YAE1: variants seen among roughly 807,000 people sequenced by gnomAD.
YAE1 encodes the protein YAE1 maturation factor of ABCE1, also known as protein YAE1 homolog.
In YAE1, 22 loss-of-function variants were observed where a neutral mutation model predicts 23.0. The ratio of observed to expected loss-of-function variants is 0.96; its 90% confidence interval spans 0.68 to 1.37. YAE1 has a LOEUF of 1.37. Among genes scored for constraint, YAE1 ranks in the 40% most tolerant of loss-of-function variants. The pLI is 0.00. For synonymous variants in YAE1, 101 were observed against 97.0 expected (o/e 1.04, Z -0.24); for missense variants, 260 against 262.1 (o/e 0.99, Z 0.06).
At chr7:39,608,905 G>C (rs1480429146) in intron 2 of YAE1, among the ~76,000 whole-genome samples, 1 of 152,126 alleles carries the variant, frequency 6.6e-6, no homozygotes, top group Non-Finnish European at 1.5e-5. Context: ...TACTCATTCT[G>C]AGTATTACTT....
intron 1 of YAE1, chr7:39,570,147 G>A: frequency 1.3e-6 from 1 of 788,970 alleles, no homozygotes; most frequent in Non-Finnish European, 2.1e-6. Context: ...GCACCCCCAA[G>A]CAACAGTACC....
At chr7:39,596,655 C>A (rs1790978997) in intron 2 of YAE1, among the ~76,000 whole-genome samples, 1 of 152,186 alleles carries the variant, frequency 6.6e-6, no homozygotes, top group African/African-American at 2.4e-5. Context: ...TTTCTGTGCT[C>A]CCTGTGCATA....
chr7:39,593,967 A>G (rs1353667015), intron 2 of YAE1, among the ~76,000 whole-genome samples: 2 of 152,090 alleles, frequency 1.3e-5, no homozygotes, highest in East Asian at 3.9e-4. Flanking sequence ...GTTTCTTCTT[A>G]TGTCTAGTAA....
In YAE1 at chr7:39,566,487, A is replaced by G; in HGVS notation, c.69A>G (p.Glu23=). The G allele has an allele frequency of 6.2e-7, 1 of 1,614,222 alleles. No individual in the cohort carries two copies. The highest frequency in any genetic ancestry group is 1.7e-5 in the Admixed American group (1 of 60,028). Residue 23 remains glutamate (E), a synonymous_variant, in exon 1 of 3, where the codon GAA becomes GAG. Coordinates refer to ENST00000223273, the MANE Select transcript of YAE1 (RefSeq NM_020192.5). The part of the protein sequence containing the change: ...PGDKGDVFDE[E]ADESLLAQRE... ...ACAAAGGGGACGTGTTTGACGAAGA[A>G]GCAGACGAGTCGCTCCTGGCGCAGC...
chr7:39,598,722 A>C (rs894163272), intron 2 of YAE1, among the ~76,000 whole-genome samples: 3 of 150,602 alleles, frequency 2.0e-5, no homozygotes, highest in Non-Finnish European at 4.4e-5. Flanking sequence ...GGCTGCAGTG[A>C]GCTATGACCA....
intron 2 of YAE1, among the ~76,000 whole-genome samples, chr7:39,578,670 A>G (rs1790695149): frequency 6.6e-6 from 1 of 152,164 alleles, no homozygotes; most frequent in Non-Finnish European, 1.5e-5. Flanking sequence ...ACCCGCCAGA[A>G]GAAAGAAACT....
At chr7:39,605,879 G>A (rs1283488424) in intron 2 of YAE1, among the ~76,000 whole-genome samples, 3 of 152,066 alleles carry the variant, frequency 2.0e-5, no homozygotes, top group Non-Finnish European at 4.4e-5. Context: ...CTTTGAGAAT[G>A]ACTAGAATTA....
intron 1 of YAE1, chr7:39,569,699 G>A (rs188704850): frequency 3.9e-5 from 28 of 709,288 alleles, no homozygotes; most frequent in Admixed American, 3.9e-4. Flanking sequence ...CAATAAAGTA[G>A]TTATGGCAAG....
At chr7:39,575,569 AGAGAGAGAGT>A (rs1170179054), downstream of YAE1, among the ~76,000 whole-genome samples, 58 of 95,094 alleles carry the variant, frequency 6.1e-4, no homozygotes, top group African/African-American at 3.7e-3. Context: ...AGAGAGAGAG[AGAGAGAGAGT>A]GAGTGTGTGT....
intron 2 of YAE1, among the ~76,000 whole-genome samples, chr7:39,599,728 G>T (rs759444271): frequency 6.6e-6 from 1 of 151,074 alleles, no homozygotes; most frequent in African/African-American, 2.4e-5. Flanking sequence ...TATTTATTTT[G>T]TATTTATTTA....
intron 1 of YAE1, among the ~76,000 whole-genome samples, chr7:39,568,943 CAG>C (rs1275240600): frequency 6.6e-6 from 1 of 152,136 alleles, no homozygotes; most frequent in Non-Finnish European, 1.5e-5. Flanking sequence ...TTTCTTGAGA[CAG>C]TGGGCAAAGT....
chr7:39,575,368 A>G (rs1254121873), downstream of YAE1, among the ~76,000 whole-genome samples: 1 of 152,182 alleles, frequency 6.6e-6, no homozygotes, highest in African/African-American at 2.4e-5. Flanking sequence ...TGGGCAGCTG[A>G]ATGCATATAC....
chr7:39,582,332 CA>C (rs568096803), intron 2 of YAE1, among the ~76,000 whole-genome samples: 66 of 146,078 alleles, frequency 4.5e-4, no homozygotes, highest in African/African-American at 6.3e-4. Flanking sequence ...CATGCCCAGC[CA>C]AAAAAAAAAT....
chr7:39,582,056 T>C (rs1234979426), intron 2 of YAE1, among the ~76,000 whole-genome samples: 3 of 151,450 alleles, frequency 2.0e-5, no homozygotes, highest in African/African-American at 7.3e-5. Flanking sequence ...GCCTCCCAAG[T>C]AGCTGGGACT....
At chr7:39,597,604 G>T (rs541241492) in intron 2 of YAE1, among the ~76,000 whole-genome samples, 1 of 152,250 alleles carries the variant, frequency 6.6e-6, no homozygotes, top group South Asian at 2.1e-4. Flanking sequence ...TGATCATCTA[G>T]CAAACCTTTA....
intron 2 of YAE1, among the ~76,000 whole-genome samples, chr7:39,593,309 C>T (rs112173104): frequency 3.3e-5 from 5 of 149,814 alleles, no homozygotes; most frequent in Non-Finnish European, 5.9e-5. Context: ...CTCAGCCTTC[C>T]GAGTAGCTGG....
At position 39,572,571 on chromosome 7, in the gene YAE1, T is replaced by C. The variant is rs928622793; in HGVS notation, c.546T>C (p.Tyr182=). The change falls in exon 3 of 3, where the codon TAT becomes TAC. Residue 182 remains tyrosine (Y), a synonymous_variant. Transcript: ENST00000223273. ...GCCATAGTGGGATAGATTGTTCATA[T>C]GTAGAATGTTGTAGAACACAGGAGC... is the stretch of plus-strand genomic sequence containing the variant. ...SKSHSGIDCS[Y]VECCRTQEHA... 3.1e-6 allele frequency: 5 copies of C among 1,614,032 alleles called. No individual in the cohort carries two copies. Among genetic ancestry groups the C allele is most frequent in the African/African-American group, 2.7e-5 (2 of 74,946 alleles).
intron 2 of YAE1, among the ~76,000 whole-genome samples, chr7:39,591,788 CAG>C (rs2115823102): frequency 6.6e-6 from 1 of 152,324 alleles, no homozygotes; most frequent in Admixed American, 6.5e-5. Context: ...TAGTATCACA[CAG>C]AGTATTTCCA....
At chr7:39,598,784 CAAA>C (rs60563799) in intron 2 of YAE1, among the ~76,000 whole-genome samples, 7 of 77,168 alleles carry the variant, frequency 9.1e-5, no homozygotes, top group Non-Finnish European at 9.9e-5. Context: ...GGTCCTGTCT[CAAA>C]AAAAAAAAAA....
Sources: gnomAD v4.1 joint callset for allele counts (sites outside exome capture counted in the v4.1 genomes callset) on GRCh38, gnomAD v4.1.1 for gene constraint, MANE v1.5 for transcripts, NCBI Gene and HGNC (gene_info 2026-07-23, HGNC 2026-07-21) for gene names.